The following SLCO1B3 variants were observed in gnomAD, a reference collection of about 807,000 sequenced individuals.
SLCO1B3 encodes solute carrier organic anion transporter family member 1B3, also known as liver-specific organic anion transporter 2.
A neutral mutation model predicts 71.8 loss-of-function variants in SLCO1B3; 72 were observed. The ratio of observed to expected loss-of-function variants is 1.00; its 90% CI spans 0.83 to 1.22. The LOEUF (loss-of-function observed/expected upper bound fraction) is 1.22. Ranked by LOEUF, SLCO1B3 falls within the 50% of genes most tolerant of loss-of-function variation. SLCO1B3 has a pLI of 0.00. For synonymous variants in SLCO1B3, 298 were observed against 278.4 expected, an observed-to-expected ratio of 1.07 and a Z score of -0.70; for missense variants, 911 against 819.7, an observed-to-expected ratio of 1.11 and a Z score of -1.36.
Position 20,883,570 on chromosome 12 carries a change from A to C in SLCO1B3, c.1650A>C (p.Thr550=). The part of the protein sequence containing the change: ...IQVINSLFSA[T]GGTTFILLTV... ...TCATAAACTCTTTGTTCTCTGCAAC[A>C]GGAGGTACCACATTTATCTTGTTGA... Residue 550 remains threonine (T), a synonymous_variant, in exon 13 of 16, where the codon ACA becomes ACC. Coordinates refer to ENST00000381545, the MANE Select transcript of SLCO1B3 (RefSeq NM_019844.4). The C allele has an allele frequency of 6.3e-7, 1 of 1,597,554 alleles. No homozygotes were observed.
At chr12:20,905,249 G>A (rs1866218666) in intron 15 of SLCO1B3, among the ~76,000 whole-genome samples, 1 of 152,100 alleles carries the variant, frequency 6.6e-6, no homozygotes, top group African/African-American at 2.4e-5. Flanking sequence ...AACCCTCCTA[G>A]GCCTCCAGGC....
At position 20,871,502 on chromosome 12, in the gene SLCO1B3, G is replaced by A. The variant is rs186309439; in HGVS notation, c.728-3733G>A. 4.3e-3 allele frequency among the ~76,000 whole-genome samples: 657 copies of A among 152,130 alleles called. 4 individuals carry two copies. The highest frequency in any genetic ancestry group is 6.3e-3 in the Non-Finnish European group (429 of 68,002). On this transcript the variant is annotated intron_variant, in intron 8 of 15. Transcript: ENST00000381545. ...CAGTGTCTGGGCATTGATGACTTAG[G>A]TATTTATTCTAGTCTTTGTTGTCTG...
chr12:20,912,410 C>A (rs1056766952), intron 15 of SLCO1B3, among the ~76,000 whole-genome samples: 1 of 150,476 alleles, frequency 6.6e-6, no homozygotes, highest in Non-Finnish European at 1.5e-5. Flanking sequence ...CTCACTGCAA[C>A]CTCTGCTTCC....
intron 15 of SLCO1B3, among the ~76,000 whole-genome samples, chr12:20,905,940 T>C (rs1223091332): frequency 2.0e-5 from 3 of 152,120 alleles, no homozygotes; most frequent in Non-Finnish European, 2.9e-5. Flanking sequence ...CTTACAGTCA[T>C]GGTGGAAGGG....
intron 13 of SLCO1B3, among the ~76,000 whole-genome samples, chr12:20,890,176 C>T (rs904710590): frequency 7.2e-5 from 11 of 151,938 alleles, no homozygotes; most frequent in African/African-American, 2.4e-4. Flanking sequence ...ACCTCAGCCT[C>T]CCAAAGTGCT....
At chr12:20,902,118 C>G (rs772591743) in intron 15 of SLCO1B3, 1 of 224,384 alleles carries the variant, frequency 4.5e-6, no homozygotes, top group Non-Finnish European at 9.0e-6. Context: ...AAGTATGACC[C>G]AAATGCCTGA....
chr12:20,833,007 C>T (rs1173545628), intron 3 of SLCO1B3, among the ~76,000 whole-genome samples: 1 of 152,154 alleles, frequency 6.6e-6, no homozygotes, highest in African/African-American at 2.4e-5. Flanking sequence ...GAACTAAACT[C>T]AGGGGGTTGG....
intron 3 of SLCO1B3, among the ~76,000 whole-genome samples, chr12:20,833,387 T>G (rs1338983678): frequency 6.6e-6 from 1 of 150,772 alleles, no homozygotes; most frequent in African/African-American, 2.4e-5. Context: ...CATCTATATA[T>G]TCTCCATATA....
intron 3 of SLCO1B3, among the ~76,000 whole-genome samples, chr12:20,821,104 G>C (rs1049731729): frequency 3.3e-5 from 5 of 152,092 alleles, no homozygotes; most frequent in African/African-American, 1.2e-4. Context: ...AAGACTCAGC[G>C]ACGCTTGGGG....
intron 3 of SLCO1B3, among the ~76,000 whole-genome samples, chr12:20,823,325 G>C (rs1454372684): frequency 6.6e-6 from 1 of 152,038 alleles, no homozygotes; most frequent in Non-Finnish European, 1.5e-5. Context: ...AAAATGAAAG[G>C]AAAGGAGAAA....
chr12:20,832,327 T>G (rs753937234), intron 3 of SLCO1B3, among the ~76,000 whole-genome samples: 1 of 152,188 alleles, frequency 6.6e-6, no homozygotes, highest in Non-Finnish European at 1.5e-5. Flanking sequence ...ACTTTGATTA[T>G]TTTCTACCAT....
chr12:20,833,939 C>T (rs1424605270), intron 3 of SLCO1B3, among the ~76,000 whole-genome samples: 1 of 146,056 alleles, frequency 6.8e-6, no homozygotes, highest in Admixed American at 6.9e-5. Context: ...TACATATGTA[C>T]ACATATACAT....
chr12:20,913,749 A>G (rs1186170397), intron 15 of SLCO1B3, among the ~76,000 whole-genome samples: 2 of 151,958 alleles, frequency 1.3e-5, no homozygotes, highest in East Asian at 3.9e-4. Flanking sequence ...TAATCCTCTA[A>G]CAATCTTATT....
intron 8 of SLCO1B3, among the ~76,000 whole-genome samples, chr12:20,866,601 G>A (rs1428398776): frequency 6.6e-6 from 1 of 152,076 alleles, no homozygotes; most frequent in Non-Finnish European, 1.5e-5. Flanking sequence ...AAAAGTGTCA[G>A]TATAACAGGA....
chr12:20,825,870 A>G (rs1041247327), intron 3 of SLCO1B3, among the ~76,000 whole-genome samples: 2 of 151,890 alleles, frequency 1.3e-5, no homozygotes, highest in Non-Finnish European at 2.9e-5. Context: ...TTTAAAAGCA[A>G]CACAGAAAGT....
intron 8 of SLCO1B3, among the ~76,000 whole-genome samples, chr12:20,863,760 G>C (rs753586787): frequency 5.3e-5 from 8 of 152,036 alleles, no homozygotes; most frequent in Non-Finnish European, 1.2e-4. Flanking sequence ...CAAGTACCTA[G>C]AAAAACATCA....
chr12:20,901,001 G>T (rs565343556), intron 14 of SLCO1B3, among the ~76,000 whole-genome samples: 1 of 152,194 alleles, frequency 6.6e-6, no homozygotes, highest in East Asian at 1.9e-4. Context: ...AATTCCATAT[G>T]AACCAACATA....
At chr12:20,867,364 A>T (rs781561647) in intron 8 of SLCO1B3, among the ~76,000 whole-genome samples, 7 of 152,184 alleles carry the variant, frequency 4.6e-5, no homozygotes, top group Non-Finnish European at 8.8e-5. Flanking sequence ...AAACTGTCCA[A>T]ATGTTGTGCA....
Position 20,879,572 on chromosome 12 carries a change from A to T in SLCO1B3, c.1272A>T (p.Leu424=). The part of the protein sequence containing the change: ...TSMISFLFQL[L]YFPLICESKS... ...TGATATCCTTCTTGTTTCAACTTCT[A>T]TATTTCCCTCTAATCTGCGAAAGCA... Residue 424 remains leucine (L), a synonymous_variant, in exon 11 of 16, where the codon CTA becomes CTT. Coordinates refer to ENST00000381545, the MANE Select transcript of SLCO1B3 (RefSeq NM_019844.4). The T allele has an allele frequency of 6.2e-7, 1 of 1,613,272 alleles. No individual in the cohort carries two copies. The highest frequency in any genetic ancestry group is 1.7e-5 in the Admixed American group (1 of 59,910).
Sources: gnomAD v4.1 joint callset for allele counts (sites outside exome capture counted in the v4.1 genomes callset) on GRCh38, gnomAD v4.1.1 for gene constraint, MANE v1.5 for transcripts, NCBI Gene and HGNC (gene_info 2026-07-23, HGNC 2026-07-21) for gene names.